The following NRG1 variants were observed in gnomAD, a reference collection of about 807,000 sequenced individuals.
NRG1 encodes neuregulin 1.
NRG1 carries 18 observed loss-of-function variants against 63.8 expected under a neutral mutation model. The observed-to-expected ratio is 0.28, with a 90% CI of 0.19 to 0.42. The LOEUF (loss-of-function observed/expected upper bound fraction) is 0.42, where lower values mean the gene tolerates loss of function less well. Among genes scored for constraint, NRG1 ranks in the 10% least tolerant of loss-of-function variants. The pLI is 1.00. For missense variants in NRG1, 762 were observed against 814.7 expected, an observed-to-expected ratio of 0.94 and a Z score of 0.79; for synonymous variants, 302 against 301.3, an observed-to-expected ratio of 1.00 and a Z score of -0.02.
rs572029478 is a variant in NRG1 at position 32,177,221 on chromosome 8, C to T, written c.38-418607C>T. ...GAAACCATCATTCTCAGCAAACTAT[C>T]GCAAGGACAAAGAACCAAACACCAC... On this transcript the variant is annotated intron_variant, in intron 1 of 10. Transcript: ENST00000519301. Among the ~76,000 whole-genome samples, 213 of 151,470 alleles carry T rather than the reference C, an allele frequency of 1.4e-3. 1 individual carries two copies. The highest frequency in any genetic ancestry group is 4.9e-3 in the African/African-American group (202 of 41,268).
At chr8:32,122,247 T>C (rs1229014034) in intron 1 of NRG1, among the ~76,000 whole-genome samples, 2 of 151,946 alleles carry the variant, frequency 1.3e-5, no homozygotes, top group African/African-American at 4.8e-5. Context: ...CAAAGCACAT[T>C]GTCTGCTCTC....
chr8:32,395,473 C>T (rs1164186230), intron 1 of NRG1, among the ~76,000 whole-genome samples: 3 of 152,108 alleles, frequency 2.0e-5, no homozygotes, highest in Admixed American at 6.6e-5. Context: ...TTTGAATTTG[C>T]ATTTCGCTAG....
intron 1 of NRG1, among the ~76,000 whole-genome samples, chr8:32,166,328 G>T (rs1195107329): frequency 1.3e-5 from 2 of 152,122 alleles, no homozygotes; most frequent in East Asian, 3.9e-4. Context: ...GGGTTAGACA[G>T]TGGCCATAGT....
At chr8:32,239,584 T>C (rs939463736) in intron 1 of NRG1, among the ~76,000 whole-genome samples, 2 of 152,100 alleles carry the variant, frequency 1.3e-5, no homozygotes. Flanking sequence ...TTAAAACTTT[T>C]GTTCTGTAAG....
intron 1 of NRG1, among the ~76,000 whole-genome samples, chr8:32,048,165 G>A (rs898673574): frequency 4.6e-5 from 7 of 151,604 alleles, no homozygotes; most frequent in Non-Finnish European, 1.0e-4. Flanking sequence ...GGACACTGAG[G>A]TTAATGTCAT....
In NRG1 at chr8:32,759,268, T is replaced by C. The variant is rs751647923; in HGVS notation, c.922-38T>C. The C allele has an allele frequency of 1.9e-6, 3 of 1,604,678 alleles. No individual in the cohort carries two copies. In the African/African-American group the frequency reaches 4.0e-5, roughly 21 times the overall value. Reference sequence around the variant, plus strand: ...ATTAGTGCTTTGATTGACATGAATCTACGTGAATCTTCAAGTTGTGTCTCT... The same window carrying C: ...ATTAGTGCTTTGATTGACATGAATCCACGTGAATCTTCAAGTTGTGTCTCT... On this transcript the variant is annotated intron_variant, in intron 9 of 11. Transcript: ENST00000356819.
At chr8:31,761,963 T>C (rs993915582) in intron 1 of NRG1, among the ~76,000 whole-genome samples, 8 of 152,208 alleles carry the variant, frequency 5.3e-5, no homozygotes, top group Non-Finnish European at 1.5e-5. Flanking sequence ...CATGGGACTT[T>C]CTATGTGCAC....
intron 1 of NRG1, among the ~76,000 whole-genome samples, chr8:31,716,362 G>A (rs1812349422): frequency 6.6e-6 from 1 of 152,164 alleles, no homozygotes; most frequent in Admixed American, 6.5e-5. Flanking sequence ...TATCTACAGT[G>A]CTTTCATTGG....
At chr8:32,680,547 G>A (rs1053493191) in intron 5 of NRG1, among the ~76,000 whole-genome samples, 1 of 152,168 alleles carries the variant, frequency 6.6e-6, no homozygotes, top group African/African-American at 2.4e-5. Flanking sequence ...GGTGGCTGAA[G>A]GAGAGACATA....
intron 5 of NRG1, among the ~76,000 whole-genome samples, chr8:32,623,023 A>T (rs561024959): frequency 2.0e-5 from 3 of 152,372 alleles, no homozygotes; most frequent in Admixed American, 1.3e-4. Context: ...ATATATTCTC[A>T]GCTAAGGCTT....
chr8:32,389,418 A>T (rs1404370259), intron 1 of NRG1, among the ~76,000 whole-genome samples: 3 of 152,184 alleles, frequency 2.0e-5, no homozygotes, highest in Admixed American at 1.3e-4. Flanking sequence ...TATTAAGAAG[A>T]TATTTAAATA....
chr8:32,639,100 T>C (rs1851847233), intron 5 of NRG1, among the ~76,000 whole-genome samples: 1 of 152,284 alleles, frequency 6.6e-6, no homozygotes, highest in African/African-American at 2.4e-5. Flanking sequence ...GGCTAAGGTC[T>C]TTTCAGGTTT....
intron 1 of NRG1, among the ~76,000 whole-genome samples, chr8:32,490,466 T>C (rs765860431): frequency 7.1e-6 from 1 of 141,838 alleles, no homozygotes; most frequent in Admixed American, 7.5e-5. Context: ...GGCATAATGA[T>C]ATGCAGGACT....
At chr8:32,484,246 T>C (rs1260922420) in intron 1 of NRG1, among the ~76,000 whole-genome samples, 2 of 152,152 alleles carry the variant, frequency 1.3e-5, no homozygotes, top group African/African-American at 4.8e-5. Flanking sequence ...AAGAAACTGG[T>C]AGGCTACTAA....
chr8:32,623,142 C>T (rs1848633443), intron 5 of NRG1, among the ~76,000 whole-genome samples: 1 of 152,160 alleles, frequency 6.6e-6, no homozygotes, highest in Admixed American at 6.5e-5. Context: ...AAAAGAATGT[C>T]TTTGCAGAGA....
chr8:32,406,466 G>T (rs1374753979), intron 1 of NRG1, among the ~76,000 whole-genome samples: 5 of 152,006 alleles, frequency 3.3e-5, no homozygotes, highest in African/African-American at 1.2e-4. Context: ...TAAAAACTAG[G>T]TATTTTTACC....
chr8:32,566,342 CAAAA>C (rs35064563), intron 1 of NRG1, among the ~76,000 whole-genome samples: 4 of 102,688 alleles, frequency 3.9e-5, no homozygotes, highest in Non-Finnish European at 8.2e-5. Context: ...CAGAACATCT[CAAAA>C]AAAAAAAAAA....
intron 1 of NRG1, among the ~76,000 whole-genome samples, chr8:32,354,473 G>A (rs1563351142): frequency 6.6e-6 from 1 of 152,134 alleles, no homozygotes; most frequent in Non-Finnish European, 1.5e-5. Flanking sequence ...CTACTGAGAG[G>A]GGATGAGGAG....
intron 11 of NRG1, chr8:32,760,696 A>G (rs1830538248): frequency 3.4e-6 from 4 of 1,193,996 alleles, no homozygotes; most frequent in Non-Finnish European, 4.2e-6. Context: ...CCATGGGCTC[A>G]GACCCACTCG....
Sources: allele counts gnomAD v4.1 joint callset (sites outside exome capture counted in the v4.1 genomes callset), GRCh38; gene constraint gnomAD v4.1.1; transcripts MANE v1.5; gene names NCBI Gene and HGNC (gene_info 2026-07-23, HGNC 2026-07-21).